The following PWP1 variants were observed in gnomAD, a reference collection of about 807,000 sequenced individuals.
PWP1 encodes periodic tryptophan protein 1 homolog.
In PWP1, 47 loss-of-function variants were observed where a neutral mutation model predicts 69.9. The ratio of observed to expected loss-of-function variants is 0.67; its 90% CI spans 0.53 to 0.86. The LOEUF (loss-of-function observed/expected upper bound fraction) is 0.86, where lower values mean the gene tolerates loss of function less well. PWP1 is among the 40% of genes least tolerant of loss of function. The pLI is 0.00. For synonymous variants in PWP1, 222 were observed against 208.2 expected, an observed-to-expected ratio of 1.07 and a Z score of -0.57; for missense variants, 551 against 608.8, an observed-to-expected ratio of 0.91 and a Z score of 1.00.
At chr12:107,688,846 A>G (rs1451544636) in intron 3 of PWP1, 44 bp downstream of exon 3, 1 of 1,543,286 alleles carries the variant, frequency 6.5e-7, no homozygotes, top group Non-Finnish European at 8.9e-7. Flanking sequence ...CAAGCTCAAT[A>G]TGTTGGATCA....
chr12:107,692,811 C>A lies in PWP1; in HGVS notation c.320-3C>A, dbSNP rs779472914. On this transcript the variant is annotated splice_region_variant and splice_polypyrimidine_tract_variant and intron_variant, in intron 3 of 14. Transcript: ENST00000412830. ...TATTGTAGTTTGTCAATTTTTCTTA[C>A]AGATGCTGAGACTCTTGGTGAATCT... 1.9e-6 allele frequency: 3 copies of A among 1,606,620 alleles called. No homozygotes were observed. Among genetic ancestry groups the A allele is most frequent in the Non-Finnish European group, 2.6e-6 (3 of 1,176,318 alleles).
intron 3 of PWP1, among the ~76,000 whole-genome samples, chr12:107,691,615 G>A (rs767220710): frequency 3.3e-5 from 5 of 152,120 alleles, no homozygotes; most frequent in South Asian, 2.1e-4. Flanking sequence ...GTAGCTGGGA[G>A]TTTAGCATCA....
intron 8 of PWP1, among the ~76,000 whole-genome samples, chr12:107,699,980 A>C (rs1283333168): frequency 2.0e-5 from 3 of 152,160 alleles, no homozygotes; most frequent in Admixed American, 6.5e-5. Context: ...ATGAGGAGCA[A>C]AGTCATGTCT....
chr12:107,691,244 GA>G (rs1889474324), intron 3 of PWP1, among the ~76,000 whole-genome samples: 1 of 152,218 alleles, frequency 6.6e-6, no homozygotes, highest in African/African-American at 2.4e-5. Context: ...AGACCCAAAG[GA>G]GGGGAAATGC....
intron 3 of PWP1, among the ~76,000 whole-genome samples, chr12:107,691,166 T>C (rs893579655): frequency 2.0e-5 from 3 of 152,174 alleles, no homozygotes; most frequent in African/African-American, 7.2e-5. Flanking sequence ...TGACAAACTA[T>C]AGGAAGCCTT....
chr12:107,685,881 C>A lies in PWP1; in HGVS notation c.-19C>A. 3 of 1,613,498 alleles carry A rather than the reference C, an allele frequency of 1.9e-6. No individual in the cohort carries two copies. The highest frequency in any genetic ancestry group is 2.5e-6 in the Non-Finnish European group (3 of 1,179,758). On this transcript the variant is annotated 5_prime_UTR_variant, in exon 1 of 15. Coordinates refer to ENST00000412830, the MANE Select transcript of PWP1 (RefSeq NM_007062.3). ...ATGCAGCCTGGTTTCTAGCGTGACA[C>A]GCCCTTGACTTGAGGACCATGAACC...
At chr12:107,705,283 C>A (rs552709572) in intron 11 of PWP1, among the ~76,000 whole-genome samples, 2 of 152,186 alleles carry the variant, frequency 1.3e-5, no homozygotes, top group African/African-American at 4.8e-5. Flanking sequence ...AAAAGAAAAG[C>A]CCAGCTTTCA....
intron 11 of PWP1, among the ~76,000 whole-genome samples, chr12:107,707,376 A>G (rs1274347415): frequency 1.3e-5 from 2 of 152,144 alleles, no homozygotes; most frequent in African/African-American, 4.8e-5. Flanking sequence ...TTCCTAATTG[A>G]ATACCCTTTA....
intron 5 of PWP1, among the ~76,000 whole-genome samples, chr12:107,694,595 T>C (rs1889546821): frequency 6.6e-6 from 1 of 152,348 alleles, no homozygotes; most frequent in African/African-American, 2.4e-5. Flanking sequence ...ACTCTTGATA[T>C]CTTTGAACTT....
At chr12:107,696,341 CTT>C (rs1419248036) in intron 5 of PWP1, 131 bp from the exon 6 acceptor site, 2 of 1,336,104 alleles carry the variant, frequency 1.5e-6, no homozygotes, top group Non-Finnish European at 9.9e-7. Context: ...CCTGGAATCT[CTT>C]TATAATATCA....
intron 5 of PWP1, among the ~76,000 whole-genome samples, chr12:107,694,196 A>T (rs947620191): frequency 1.3e-5 from 2 of 152,172 alleles, no homozygotes. Flanking sequence ...CACTCTGCCT[A>T]CAGATTCTCC....
chr12:107,701,459 T>A (rs963106047), intron 8 of PWP1, among the ~76,000 whole-genome samples: 3 of 152,158 alleles, frequency 2.0e-5, no homozygotes, highest in Non-Finnish European at 4.4e-5. Flanking sequence ...GGTGTCTACT[T>A]TATTTCTTTT....
At position 107,685,872 on chromosome 12, in the gene PWP1, A is replaced by G; in HGVS notation, c.-28A>G. On this transcript the variant is annotated 5_prime_UTR_variant, in exon 1 of 15. The change abolishes the stop of an existing upstream ORF in the 5' untranslated region. Transcript: ENST00000412830. ...TCCCTCCCTATGCAGCCTGGTTTCT[A>G]GCGTGACACGCCCTTGACTTGAGGA... is the stretch of plus-strand genomic sequence containing the variant. The G allele has an allele frequency of 6.2e-7, 1 of 1,613,134 alleles. No homozygotes were observed. The highest frequency in any genetic ancestry group is 8.5e-7 in the Non-Finnish European group (1 of 1,179,464).
At chr12:107,689,609 G>A (rs578018187) in intron 3 of PWP1, among the ~76,000 whole-genome samples, 14 of 152,336 alleles carry the variant, frequency 9.2e-5, no homozygotes, top group African/African-American at 3.1e-4. Context: ...AGCCAGGCGT[G>A]GTGGCGCACA....
At chr12:107,691,740 A>G (rs1889483233) in intron 3 of PWP1, among the ~76,000 whole-genome samples, 4 of 152,050 alleles carry the variant, frequency 2.6e-5, no homozygotes. Context: ...ACTCCATCTG[A>G]ATTGATTTTT....
Position 107,712,195 on chromosome 12 carries a change from G to GC in PWP1, c.1482dup (p.Ser495LeufsTer13). The GC allele has an allele frequency of 3.1e-6, 5 of 1,613,444 alleles. No individual in the cohort carries two copies. The highest frequency in any genetic ancestry group is 2.2e-5 in the East Asian group (1 of 44,868). ...ATTAGTGGCCCTTTTGGCAGCAGGA[G>GC]CTCAGATACACCCATGGAGTCTTAA... On this transcript the variant is annotated frameshift_variant, in exon 15 of 15. Transcript: ENST00000412830. LOFTEE classifies it high-confidence loss of function.
chr12:107,687,422 A>T (rs1429280736), intron 1 of PWP1, among the ~76,000 whole-genome samples: 1 of 152,222 alleles, frequency 6.6e-6, no homozygotes, highest in Admixed American at 6.5e-5. Flanking sequence ...TTCAAAAAAT[A>T]CTGATGTTTA....
intron 10 of PWP1, 33 bp from the exon 11 acceptor site, chr12:107,704,603 C>T (rs758022367): frequency 6.6e-7 from 1 of 1,524,520 alleles, no homozygotes; most frequent in Non-Finnish European, 9.1e-7. Context: ...GAATTGAACT[C>T]TTAAAACCCT....
At chr12:107,686,197 A>G in intron 1 of PWP1, 1 of 590,940 alleles carries the variant, frequency 1.7e-6, no homozygotes, top group South Asian at 2.0e-5. Context: ...TCCCACCCTC[A>G]AGCCCAACCC....
Sources: gnomAD v4.1 joint callset for allele counts (sites outside exome capture counted in the v4.1 genomes callset) on GRCh38, gnomAD v4.1.1 for gene constraint, MANE v1.5 for transcripts, NCBI Gene and HGNC (gene_info 2026-07-23, HGNC 2026-07-21) for gene names.